The following SREK1IP1 variants were observed in gnomAD, a reference collection of about 807,000 sequenced individuals.
SREK1IP1 encodes SREK1 interacting protein 1, also known as protein SREK1IP1.
In SREK1IP1, 12 loss-of-function variants were observed where a neutral mutation model predicts 22.8. The observed-to-expected ratio is 0.53, with a 90% confidence interval of 0.34 to 0.85. The LOEUF (loss-of-function observed/expected upper bound fraction) is 0.85. Among genes scored for constraint, SREK1IP1 ranks in the 40% least tolerant of loss-of-function variants. SREK1IP1 has a pLI of 0.02. For missense variants in SREK1IP1, 147 were observed against 171.8 expected (o/e 0.86, Z 0.81); for synonymous variants, 53 against 52.7 (o/e 1.01, Z -0.02).
At chr5:64,758,883 T>C (rs1561392166) in intron 1 of SREK1IP1, among the ~76,000 whole-genome samples, 2 of 152,216 alleles carry the variant, frequency 1.3e-5, no homozygotes, top group Admixed American at 1.3e-4. Context: ...TAAAGTACTT[T>C]ACATCAGCTA....
chr5:64,762,988 G>T (rs1360194094), intron 1 of SREK1IP1, among the ~76,000 whole-genome samples: 2 of 152,010 alleles, frequency 1.3e-5, no homozygotes, highest in African/African-American at 4.8e-5. Flanking sequence ...GGAGGCGGAG[G>T]TTGCAGTGAG....
At chr5:64,756,877 T>C (rs1447524405) in intron 1 of SREK1IP1, among the ~76,000 whole-genome samples, 1 of 152,098 alleles carries the variant, frequency 6.6e-6, no homozygotes, top group Non-Finnish European at 1.5e-5. Flanking sequence ...CCGCCTGCCT[T>C]AGCTTCCCAA....
At chr5:64,762,186 T>G (rs1006278643) in intron 1 of SREK1IP1, among the ~76,000 whole-genome samples, 17 of 152,306 alleles carry the variant, frequency 1.1e-4, no homozygotes, top group East Asian at 9.6e-4. Flanking sequence ...AAGCCTGACA[T>G]TTTCATTACA....
intron 2 of SREK1IP1, among the ~76,000 whole-genome samples, chr5:64,751,888 T>C (rs1742747710): frequency 6.6e-6 from 1 of 152,176 alleles, no homozygotes; most frequent in Non-Finnish European, 1.5e-5. Context: ...CAAATTTATA[T>C]TTATGTAAAA....
chr5:64,741,679 T>C (rs1742553406), intron 2 of SREK1IP1, among the ~76,000 whole-genome samples: 1 of 152,166 alleles, frequency 6.6e-6, no homozygotes, highest in Non-Finnish European at 1.5e-5. Context: ...TATAACTGAA[T>C]GTGCTTTACT....
At chr5:64,751,054 A>G (rs963393409) in intron 2 of SREK1IP1, among the ~76,000 whole-genome samples, 62 of 152,246 alleles carry the variant, frequency 4.1e-4, no homozygotes, top group African/African-American at 1.4e-3. Flanking sequence ...GAATCTACAC[A>G]CTTTGTTTCA....
At chr5:64,730,479 A>G (rs1344438189) in intron 3 of SREK1IP1, among the ~76,000 whole-genome samples, 1 of 152,202 alleles carries the variant, frequency 6.6e-6, no homozygotes, top group Non-Finnish European at 1.5e-5. Context: ...GAGAGGGGAT[A>G]ACTGAAGGAA....
intron 1 of SREK1IP1, among the ~76,000 whole-genome samples, chr5:64,755,596 A>G (rs1183899318): frequency 1.3e-5 from 2 of 152,130 alleles, no homozygotes; most frequent in African/African-American, 4.8e-5. Flanking sequence ...ACTGTTGGGT[A>G]CTATGCTCAG....
Position 64,718,631 on chromosome 5 carries a change from T to C in SREK1IP1, c.*5753A>G, listed in dbSNP as rs1036173129. ...CCTAAATAATCTGTATAATGAAAGC[T>C]ACAAAACAAATGAGTTCTCTGGTCC... On this transcript the variant is annotated 3_prime_UTR_variant, in exon 5 of 5. Coordinates refer to ENST00000513458, the MANE Select transcript of SREK1IP1 (RefSeq NM_173829.4). 2.6e-5 allele frequency: 4 copies of C among 152,146 alleles called. No homozygotes were observed. The highest frequency in any genetic ancestry group is 9.6e-5 in the African/African-American group (4 of 41,458). 9.4% of individuals were successfully genotyped at this position (152,146 alleles called of 1,614,324 possible). A position where few individuals can be genotyped will look rare whatever the true frequency, so the allele number is the denominator to read the frequency against.
At chr5:64,732,790 A>G (rs923291187) in intron 3 of SREK1IP1, among the ~76,000 whole-genome samples, 1 of 152,166 alleles carries the variant, frequency 6.6e-6, no homozygotes, top group African/African-American at 2.4e-5. Flanking sequence ...TCCCCATTCA[A>G]GACTTATTTT....
intron 1 of SREK1IP1, among the ~76,000 whole-genome samples, chr5:64,759,377 T>C (rs1036968283): frequency 6.6e-6 from 1 of 152,216 alleles, no homozygotes; most frequent in Non-Finnish European, 1.5e-5. Context: ...TTCCCTGCCT[T>C]GGGCTCCCGT....
intron 2 of SREK1IP1, among the ~76,000 whole-genome samples, chr5:64,749,788 T>G (rs1742709509): frequency 6.6e-6 from 1 of 152,146 alleles, no homozygotes; most frequent in Non-Finnish European, 1.5e-5. Flanking sequence ...ATTTCCCCAC[T>G]GACCTAGCTG....
At chr5:64,746,831 C>G (rs751956039) in intron 2 of SREK1IP1, among the ~76,000 whole-genome samples, 3 of 152,172 alleles carry the variant, frequency 2.0e-5, no homozygotes, top group Non-Finnish European at 4.4e-5. Flanking sequence ...CAAGACTATT[C>G]CCATTTCTGA....
At chr5:64,746,346 A>G (rs1385076053) in intron 2 of SREK1IP1, among the ~76,000 whole-genome samples, 1 of 152,254 alleles carries the variant, frequency 6.6e-6, no homozygotes, top group African/African-American at 2.4e-5. Context: ...ACAAGCAACA[A>G]AAGAAAAAAA....
intron 2 of SREK1IP1, among the ~76,000 whole-genome samples, chr5:64,751,273 T>C (rs1257316801): frequency 6.6e-6 from 1 of 152,234 alleles, no homozygotes; most frequent in Admixed American, 6.5e-5. Flanking sequence ...TTTATGCCTA[T>C]ATTATTTTAC....
At chr5:64,764,835 CTAGTT>C (rs1357786979) in intron 1 of SREK1IP1, among the ~76,000 whole-genome samples, 2 of 152,100 alleles carry the variant, frequency 1.3e-5, no homozygotes, top group Admixed American at 1.3e-4. Flanking sequence ...TACCTATAGT[CTAGTT>C]TAGGAATAAA....
chr5:64,719,233 A>G lies in SREK1IP1; in HGVS notation c.*5151T>C, dbSNP rs984434839. ...TTCATTTATTTAATTAATTTAAATA[A>G]CCCTATGTGGCTATACTGGCACCAT... On this transcript the variant is annotated 3_prime_UTR_variant, in exon 5 of 5. Coordinates refer to ENST00000513458, the MANE Select transcript of SREK1IP1 (RefSeq NM_173829.4). 1 of 152,090 alleles carries G rather than the reference A, an allele frequency of 6.6e-6. No individual in the cohort carries two copies. The highest frequency in any genetic ancestry group is 6.5e-5 in the Admixed American group (1 of 15,274). 9.4% of individuals were successfully genotyped at this position (152,090 alleles called of 1,614,324 possible).
At chr5:64,766,674 G>C (rs1743037111) in intron 1 of SREK1IP1, among the ~76,000 whole-genome samples, 1 of 152,170 alleles carries the variant, frequency 6.6e-6, no homozygotes, top group South Asian at 2.1e-4. Context: ...AAACTACCTT[G>C]TAAGTTATCC....
At chr5:64,747,252 T>C (rs1342068886) in intron 2 of SREK1IP1, among the ~76,000 whole-genome samples, 1 of 152,184 alleles carries the variant, frequency 6.6e-6, no homozygotes, top group Non-Finnish European at 1.5e-5. Flanking sequence ...CCTTCTCCCC[T>C]TTCTAGAGGT....
Sources: allele counts gnomAD v4.1 joint callset (sites outside exome capture counted in the v4.1 genomes callset), GRCh38; gene constraint gnomAD v4.1.1; transcripts MANE v1.5; gene names NCBI Gene and HGNC (gene_info 2026-07-23, HGNC 2026-07-21).